The following TMLHE variants were observed in gnomAD, a reference collection of about 807,000 sequenced individuals.
TMLHE encodes the protein trimethyllysine dioxygenase, mitochondrial.
Under a neutral mutation model 25.7 loss-of-function variants are expected in TMLHE, and 18 were observed. That is an observed-to-expected ratio of 0.70 (90% CI 0.48 to 1.04). The LOEUF is 1.04. Ranked by LOEUF, TMLHE falls within the 50% of genes least tolerant of loss-of-function variation. TMLHE has a pLI of 0.00. For synonymous variants in TMLHE, 105 were observed against 97.0 expected (o/e 1.08, Z -0.49); for missense variants, 236 against 259.0 (o/e 0.91, Z 0.61).
At chrX:155,583,963 G>C (rs1414225745) in intron 1 of TMLHE, among the ~76,000 whole-genome samples, 1 of 110,942 alleles carries the variant, frequency 9.0e-6, no homozygotes, top group East Asian at 2.8e-4. Context: ...CAAATAAAAA[G>C]AGGAAAAGAA....
chrX:155,563,062 A>G lies in TMLHE; in HGVS notation c.-1-17785T>C, dbSNP rs2067502011. ...CTCCAAACTGTTCCAACCTGTGCCC[A>G]CTATCCAGTTCCAAAGTCACTTCCA... On this transcript the variant is annotated intron_variant, in intron 1 of 7. Coordinates refer to ENST00000334398, the MANE Select transcript of TMLHE (RefSeq NM_018196.4). Among the ~76,000 whole-genome samples, 2 of 62,230 alleles carry G rather than the reference A, an allele frequency of 3.2e-5. 1 individual carries two copies. The highest frequency in any genetic ancestry group is 7.1e-5 in the African/African-American group (2 of 28,006). 54.0% of individuals were successfully genotyped at this position (62,230 alleles called of 115,157 possible). A position where few individuals can be genotyped will look rare whatever the true frequency, so the allele number is the denominator to read the frequency against.
Position 155,548,526 on chromosome X carries a change from CAGT to C in TMLHE, c.-1-3252_-1-3250del, listed in dbSNP as rs2067376770. ...CAAGGCGGGCGGATCACAAGGTCAGCAGTATGAGGCCAGCCTGACTAACATGGT... is the reference window on the plus strand; with the variant it reads ...CAAGGCGGGCGGATCACAAGGTCAGCATGAGGCCAGCCTGACTAACATGGT... On this transcript the variant is annotated intron_variant, in intron 1 of 7. Coordinates refer to ENST00000334398, the MANE Select transcript of TMLHE (RefSeq NM_018196.4). Among the ~76,000 whole-genome samples, 3 of 108,189 alleles carry C rather than the reference CAGT, an allele frequency of 2.8e-5. 1 individual carries two copies. The highest frequency in any genetic ancestry group is 5.7e-5 in the Non-Finnish European group (3 of 52,534). The allele number at this position is 108,189 out of a possible 115,157, so 93.9% of individuals were successfully genotyped here.
intron 1 of TMLHE, among the ~76,000 whole-genome samples, chrX:155,581,484 A>G (rs1227272888): frequency 1.2e-4 from 13 of 112,072 alleles, no homozygotes; most frequent in Non-Finnish European, 5.6e-5. Context: ...GTCTCAGGAT[A>G]CAAAATCAAT....
chrX:155,554,545 C>T (rs1401606064), intron 1 of TMLHE, among the ~76,000 whole-genome samples: 1 of 110,063 alleles, frequency 9.1e-6, no homozygotes, highest in East Asian at 2.8e-4. Context: ...TCTCCAAATG[C>T]TTTTAAGACT....
At chrX:155,514,358 C>T in intron 3 of TMLHE, 93 bp from the exon 4 acceptor site, 1 of 944,524 alleles carries the variant, frequency 1.1e-6, no homozygotes, top group South Asian at 2.5e-5. Context: ...TTTTTCCTAG[C>T]AATCAGTTAT....
In TMLHE at chrX:155,531,822, G is replaced by C. The variant is rs1027268586; in HGVS notation, c.182-7190C>G. Among the ~76,000 whole-genome samples, 3 of 111,419 alleles carry C rather than the reference G, an allele frequency of 2.7e-5. No homozygotes were observed. In the East Asian group the frequency reaches 8.5e-4, roughly 31 times the overall value. Reference sequence around the variant, plus strand: ...GATAGTCCTTTTGTCATAGGGACAGGTGTCAGCAGCATCTTCCTCTCCAGT... The same window carrying C: ...GATAGTCCTTTTGTCATAGGGACAGCTGTCAGCAGCATCTTCCTCTCCAGT... On this transcript the variant is annotated intron_variant, in intron 2 of 7. Transcript: ENST00000334398.
chrX:155,557,568 T>TC (rs1189219176), intron 1 of TMLHE, among the ~76,000 whole-genome samples: 1 of 112,169 alleles, frequency 8.9e-6, no homozygotes, highest in African/African-American at 3.2e-5. Context: ...CTCCTTTTTT[T>TC]CTAGGACTCC....
intron 1 of TMLHE, among the ~76,000 whole-genome samples, chrX:155,555,041 C>T (rs1342644553): frequency 9.1e-6 from 1 of 109,796 alleles, no homozygotes; most frequent in Admixed American, 9.7e-5. Context: ...AGCTCCCCAC[C>T]CCCTGACAGG....
At chrX:155,598,342 CACATAT>C (rs1161276373) in intron 1 of TMLHE, among the ~76,000 whole-genome samples, 1 of 109,670 alleles carries the variant, frequency 9.1e-6, no homozygotes, top group Non-Finnish European at 1.9e-5. Context: ...GAAAATGTGG[CACATAT>C]ACACCATGGA....
intron 2 of TMLHE, among the ~76,000 whole-genome samples, chrX:155,541,582 A>C (rs1356419344): frequency 2.7e-5 from 3 of 111,673 alleles, no homozygotes; most frequent in African/African-American, 9.8e-5. Context: ...TGCTGAGTCA[A>C]ATGGTAATTC....
chrX:155,546,511 T>G (rs1557338704), intron 1 of TMLHE, among the ~76,000 whole-genome samples: 1 of 110,824 alleles, frequency 9.0e-6, no homozygotes, highest in Non-Finnish European at 1.9e-5. Flanking sequence ...GACTGGTGAG[T>G]GCCTGTGTGT....
intron 1 of TMLHE, among the ~76,000 whole-genome samples, chrX:155,583,303 C>T (rs1323373080): frequency 1.8e-5 from 2 of 111,075 alleles, no homozygotes; most frequent in African/African-American, 6.6e-5. Context: ...CACATGTACC[C>T]TAGAACTTAA....
intron 1 of TMLHE, among the ~76,000 whole-genome samples, chrX:155,548,531 T>TA: frequency 9.3e-6 from 1 of 107,811 alleles, no homozygotes; most frequent in Non-Finnish European, 1.9e-5. Context: ...GTCAGCAGTA[T>TA]GAGGCCAGCC....
intron 1 of TMLHE, among the ~76,000 whole-genome samples, chrX:155,600,267 T>C (rs782388955): frequency 4.5e-5 from 5 of 112,084 alleles, no homozygotes; most frequent in Non-Finnish European, 7.5e-5. Flanking sequence ...AATGTATAGG[T>C]GTAAATATTT....
chrX:155,547,179 C>CT (rs1410005762), intron 1 of TMLHE, among the ~76,000 whole-genome samples: 8 of 101,280 alleles, frequency 7.9e-5, no homozygotes, highest in Non-Finnish European at 1.6e-4. Flanking sequence ...GAGTCTTGCT[C>CT]TGTCGCCCAG....
intron 3 of TMLHE, 58 bp downstream of exon 3, chrX:155,524,398 A>G: frequency 1.0e-6 from 1 of 975,964 alleles, no homozygotes; most frequent in Non-Finnish European, 1.3e-6. Flanking sequence ...ATTTTCCACA[A>G]AATAACTGTC....
chrX:155,510,296 T>C (rs1220455798), intron 5 of TMLHE, among the ~76,000 whole-genome samples: 3 of 106,238 alleles, frequency 2.8e-5, no homozygotes, highest in African/African-American at 1.0e-4. Context: ...ATGTGCACAA[T>C]GTGCAGGTTT....
chrX:155,530,781 G>A (rs782538273), intron 2 of TMLHE, among the ~76,000 whole-genome samples: 6 of 112,517 alleles, frequency 5.3e-5, no homozygotes, highest in South Asian at 7.2e-4. Context: ...TTAGCATGGG[G>A]TGCTCCCACT....
intron 3 of TMLHE, among the ~76,000 whole-genome samples, chrX:155,521,617 C>G (rs2067185698): frequency 3.0e-4 from 2 of 6,704 alleles, no homozygotes; most frequent in South Asian, 8.1e-3. Flanking sequence ...GCCCCTCCCC[C>G]AGCCTGGTTG....
Sources: allele counts gnomAD v4.1 joint callset (sites outside exome capture counted in the v4.1 genomes callset), GRCh38; gene constraint gnomAD v4.1.1; transcripts MANE v1.5; gene names NCBI Gene and HGNC (gene_info 2026-07-23, HGNC 2026-07-21).